Variants in CADPS observed in about 807,000 individuals in gnomAD.
The protein encoded by CADPS is calcium dependent secretion activator.
CADPS carries 57 observed loss-of-function variants against 167.3 expected under a neutral mutation model. That is an observed-to-expected ratio of 0.34 (90% CI 0.28 to 0.42). The LOEUF is 0.42. Ranked by LOEUF, CADPS falls within the 20% of genes least tolerant of loss-of-function variation. The pLI is 1.00. For missense variants in CADPS, 1,414 were observed against 1,738.1 expected (o/e 0.81, Z 3.32); for synonymous variants, 676 against 635.3 (o/e 1.06, Z -0.96).
chr3:62,859,825 A>G lies in CADPS; in HGVS notation c.441+14764T>C, dbSNP rs115634317. On this transcript the variant is annotated intron_variant, in intron 1 of 29. Transcript: ENST00000383710. ...TTTGTGTTGACAATATTCTTCAGAA[A>G]ATAAAGCCTCAAAGTGCCTTATAGG... Among the ~76,000 whole-genome samples the G allele has an allele frequency of 6.2e-3, 940 of 152,302 alleles. 10 individuals are homozygous for G. The highest frequency in any genetic ancestry group is 0.022 in the African/African-American group (906 of 41,572).
chr3:62,555,280 G>T lies in CADPS; in HGVS notation c.1753+2125C>A, dbSNP rs61451019. Among the ~76,000 whole-genome samples the T allele has an allele frequency of 1.7e-3, 255 of 152,286 alleles. 1 individual carries two copies. Among genetic ancestry groups the T allele is most frequent in the African/African-American group, 5.8e-3 (243 of 41,554 alleles). ...ATAAATTATATCCCATGGGATCGAT[G>T]TAAAAAGAAATAAGCTTTAAAAATA... On this transcript the variant is annotated intron_variant, in intron 10 of 29. Coordinates refer to ENST00000383710, the MANE Select transcript of CADPS (RefSeq NM_003716.4).
intron 1 of CADPS, among the ~76,000 whole-genome samples, chr3:62,837,854 CATA>C (rs2076115277): frequency 6.6e-6 from 1 of 152,132 alleles, no homozygotes; most frequent in Non-Finnish European, 1.5e-5. Flanking sequence ...AACTATAAGA[CATA>C]ATGCATGCAA....
chr3:62,430,713 T>C (rs2053749003), intron 28 of CADPS, among the ~76,000 whole-genome samples: 1 of 151,888 alleles, frequency 6.6e-6, no homozygotes, highest in Admixed American at 6.6e-5. Flanking sequence ...ATATATCATA[T>C]ATATATAGAT....
At chr3:62,769,870 T>C (rs1365236149) in intron 1 of CADPS, among the ~76,000 whole-genome samples, 2 of 152,124 alleles carry the variant, frequency 1.3e-5, no homozygotes, top group African/African-American at 2.4e-5. Context: ...CCCTAAGCCT[T>C]GGTTCCTCAT....
intron 28 of CADPS, chr3:62,404,387 T>C (rs1171810230): frequency 2.0e-5 from 3 of 152,632 alleles, no homozygotes; most frequent in African/African-American, 7.2e-5. Flanking sequence ...CCACCCTTTC[T>C]CACCTAAAGA....
intron 26 of CADPS, among the ~76,000 whole-genome samples, chr3:62,460,935 C>T (rs913643475): frequency 8.6e-5 from 13 of 152,038 alleles, no homozygotes; most frequent in African/African-American, 2.2e-4. Flanking sequence ...TTTATTTGAT[C>T]GGAGGAGGAT....
chr3:62,731,252 T>G (rs913287349), intron 3 of CADPS, among the ~76,000 whole-genome samples: 2 of 152,222 alleles, frequency 1.3e-5, no homozygotes, highest in Non-Finnish European at 2.9e-5. Context: ...ATGCCTGGCA[T>G]GTAGCTGTCA....
At chr3:62,846,093 T>C (rs1001852690) in intron 1 of CADPS, among the ~76,000 whole-genome samples, 4 of 151,446 alleles carry the variant, frequency 2.6e-5, no homozygotes, top group African/African-American at 7.3e-5. Flanking sequence ...CCTGCCACCA[T>C]GTGAAGACAT....
intron 1 of CADPS, among the ~76,000 whole-genome samples, chr3:62,823,744 A>T (rs886745211): frequency 2.0e-5 from 3 of 152,190 alleles, no homozygotes; most frequent in Non-Finnish European, 4.4e-5. Flanking sequence ...TGAATGAGGT[A>T]AGCCTTAATC....
chr3:62,804,214 A>G (rs962153220), intron 1 of CADPS, among the ~76,000 whole-genome samples: 2 of 152,154 alleles, frequency 1.3e-5, no homozygotes, highest in Non-Finnish European at 2.9e-5. Context: ...ACCACAATAA[A>G]TACTTGACGG....
intron 6 of CADPS, among the ~76,000 whole-genome samples, chr3:62,624,511 T>C (rs2063694662): frequency 6.6e-6 from 1 of 152,026 alleles, no homozygotes; most frequent in East Asian, 1.9e-4. Flanking sequence ...TAAAAAAACC[T>C]ATTCCAAAAT....
chr3:62,632,362 A>G (rs2065445084), intron 6 of CADPS, among the ~76,000 whole-genome samples: 1 of 152,204 alleles, frequency 6.6e-6, no homozygotes, highest in African/African-American at 2.4e-5. Context: ...TATTTTAAAA[A>G]TGTAGCCAAT....
At chr3:62,687,312 T>A (rs2078228458) in intron 3 of CADPS, among the ~76,000 whole-genome samples, 1 of 152,046 alleles carries the variant, frequency 6.6e-6, no homozygotes, top group South Asian at 2.1e-4. Context: ...ATCATAGGTT[T>A]GTAAGTTCAC....
intron 1 of CADPS, among the ~76,000 whole-genome samples, chr3:62,767,169 T>C (rs1198227761): frequency 1.3e-5 from 2 of 152,190 alleles, no homozygotes; most frequent in Non-Finnish European, 2.9e-5. Flanking sequence ...GTTAAACTTT[T>C]TGTAAAAAGT....
intron 1 of CADPS, among the ~76,000 whole-genome samples, chr3:62,863,987 T>G (rs1316857963): frequency 1.3e-5 from 2 of 152,186 alleles, no homozygotes; most frequent in Non-Finnish European, 2.9e-5. Context: ...CCAAGTGTGC[T>G]CTGTAGACCT....
chr3:62,565,181 A>G (rs2152411817), intron 9 of CADPS, among the ~76,000 whole-genome samples: 1 of 152,244 alleles, frequency 6.6e-6, no homozygotes, highest in African/African-American at 2.4e-5. Context: ...AGGCCCCAGT[A>G]ATTTCTTGAC....
chr3:62,470,478 C>T (rs185294690), intron 24 of CADPS: 1 of 152,238 alleles, frequency 6.6e-6, no homozygotes, highest in Admixed American at 6.5e-5. Flanking sequence ...ATGAATATTC[C>T]CATTCTACAA....
At chr3:62,513,494 G>C in intron 16 of CADPS, 1 of 593,528 alleles carries the variant, frequency 1.7e-6, no homozygotes, top group Non-Finnish European at 3.0e-6. Flanking sequence ...TTCTCACACT[G>C]GGTTTCACAG....
intron 26 of CADPS, among the ~76,000 whole-genome samples, chr3:62,450,958 C>T (rs1434817262): frequency 6.6e-6 from 1 of 152,148 alleles, no homozygotes; most frequent in Non-Finnish European, 1.5e-5. Flanking sequence ...ATTCCCTAAG[C>T]TGCCTATCAT....
Sources: allele counts gnomAD v4.1 joint callset (sites outside exome capture counted in the v4.1 genomes callset), GRCh38; gene constraint gnomAD v4.1.1; transcripts MANE v1.5; gene names NCBI Gene and HGNC (gene_info 2026-07-23, HGNC 2026-07-21).